COL19A1: variants seen among roughly 807,000 people sequenced by gnomAD.
The protein encoded by COL19A1 is collagen alpha-1(XIX) chain.
In COL19A1, 159 loss-of-function variants were observed where a neutral mutation model predicts 190.2. The ratio of observed to expected loss-of-function variants is 0.84; its 90% CI spans 0.73 to 0.95. COL19A1 has a LOEUF of 0.95. Among genes scored for constraint, COL19A1 ranks in the 40% least tolerant of loss-of-function variants. The pLI is 0.00. For missense variants in COL19A1, 1,418 were observed against 1,431.9 expected (o/e 0.99, Z 0.16); for synonymous variants, 509 against 458.9 (o/e 1.11, Z -1.39).
intron 9 of COL19A1, among the ~76,000 whole-genome samples, chr6:69,950,699 C>T (rs1216458677): frequency 6.6e-6 from 1 of 151,360 alleles, no homozygotes; most frequent in Non-Finnish European, 1.5e-5. Flanking sequence ...CACACACACA[C>T]ACACACACAC....
chr6:70,166,602 C>A (rs952592308), intron 37 of COL19A1, among the ~76,000 whole-genome samples: 42 of 152,202 alleles, frequency 2.8e-4, no homozygotes, highest in African/African-American at 9.9e-4. Flanking sequence ...TGAGATATCA[C>A]GCAAAACACC....
At chr6:70,191,421 G>C (rs961965280) in intron 48 of COL19A1, among the ~76,000 whole-genome samples, 3 of 152,142 alleles carry the variant, frequency 2.0e-5, no homozygotes, top group African/African-American at 7.2e-5. Context: ...GTCTCTTGAA[G>C]AGCAGGTTGG....
At chr6:69,952,415 C>G (rs574139441) in intron 9 of COL19A1, among the ~76,000 whole-genome samples, 5 of 151,792 alleles carry the variant, frequency 3.3e-5, no homozygotes, top group South Asian at 2.1e-4. Context: ...CTTACATTCT[C>G]CACCAAATAA....
intron 11 of COL19A1, among the ~76,000 whole-genome samples, chr6:70,005,798 C>T (rs1215330497): frequency 1.3e-5 from 2 of 152,022 alleles, no homozygotes; most frequent in South Asian, 2.1e-4. Flanking sequence ...TGGTCACTCG[C>T]CCCCTGCCCA....
At chr6:70,142,923 C>T (rs1005261750) in intron 23 of COL19A1, 103 bp downstream of exon 23, 25 of 1,067,072 alleles carry the variant, frequency 2.3e-5, no homozygotes, top group Non-Finnish European at 3.2e-5. Context: ...CCCTCATTTC[C>T]CAAAGACATG....
At chr6:69,974,862 G>A (rs1447427038) in intron 11 of COL19A1, among the ~76,000 whole-genome samples, 1 of 145,160 alleles carries the variant, frequency 6.9e-6, no homozygotes, top group Non-Finnish European at 1.5e-5. Context: ...GCCCAGGCTG[G>A]AGTGCAGTGG....
intron 11 of COL19A1, among the ~76,000 whole-genome samples, chr6:69,976,204 G>A (rs1307723397): frequency 2.0e-5 from 3 of 152,142 alleles, no homozygotes; most frequent in South Asian, 2.1e-4. Context: ...TGAGCTCTTA[G>A]TTATCTGCCC....
intron 2 of COL19A1, among the ~76,000 whole-genome samples, chr6:69,891,476 A>T (rs1769345753): frequency 6.6e-6 from 1 of 152,146 alleles, no homozygotes; most frequent in Non-Finnish European, 1.5e-5. Context: ...CAGACTAAAG[A>T]TGAATGGCTA....
intron 16 of COL19A1, among the ~76,000 whole-genome samples, chr6:70,102,894 A>T (rs1010316366): frequency 6.6e-6 from 1 of 152,154 alleles, no homozygotes; most frequent in African/African-American, 2.4e-5. Context: ...TTACTGCTAC[A>T]CAGAAATGTA....
chr6:70,010,033 G>C (rs1461302383), intron 11 of COL19A1, among the ~76,000 whole-genome samples: 1 of 152,068 alleles, frequency 6.6e-6, no homozygotes, highest in Non-Finnish European at 1.5e-5. Flanking sequence ...CTTTAGGTTA[G>C]GCATAGGTTT....
intron 19 of COL19A1, among the ~76,000 whole-genome samples, chr6:70,138,562 T>C (rs1786025935): frequency 6.6e-6 from 1 of 152,132 alleles, no homozygotes; most frequent in South Asian, 2.1e-4. Context: ...CGAGACTGAA[T>C]AAAGGATATT....
chr6:69,919,396 C>G (rs973558583), intron 4 of COL19A1, among the ~76,000 whole-genome samples: 4 of 152,130 alleles, frequency 2.6e-5, no homozygotes, highest in Non-Finnish European at 5.9e-5. Context: ...AATGAAAGCA[C>G]TTCATAGTTA....
chr6:70,155,110 T>C (rs1787355153), intron 31 of COL19A1, among the ~76,000 whole-genome samples: 1 of 152,166 alleles, frequency 6.6e-6, no homozygotes, highest in Non-Finnish European at 1.5e-5. Context: ...GCAAAATTAG[T>C]GTTCCAAGGA....
intron 9 of COL19A1, among the ~76,000 whole-genome samples, chr6:69,942,014 T>A (rs1562019683): frequency 6.6e-6 from 1 of 152,150 alleles, no homozygotes; most frequent in Admixed American, 6.6e-5. Context: ...TTCAAATATG[T>A]TCCTTGCATT....
At chr6:69,924,964 C>A (rs1464048498) in intron 4 of COL19A1, among the ~76,000 whole-genome samples, 1 of 152,090 alleles carries the variant, frequency 6.6e-6, no homozygotes. Flanking sequence ...TGTTTGAGTT[C>A]TTTGTAGATT....
At chr6:69,998,105 A>G (rs1420144699) in intron 11 of COL19A1, among the ~76,000 whole-genome samples, 1 of 152,200 alleles carries the variant, frequency 6.6e-6, no homozygotes, top group Non-Finnish European at 1.5e-5. Flanking sequence ...ATTGTCAACT[A>G]TGAATTCTGT....
intron 16 of COL19A1, among the ~76,000 whole-genome samples, chr6:70,115,802 TTTG>T (rs1428633347): frequency 6.8e-6 from 1 of 146,828 alleles, no homozygotes; most frequent in African/African-American, 2.5e-5. Flanking sequence ...TGTTGTTTTT[TTTG>T]TTTTGTTTTT....
At chr6:70,079,114 C>T (rs1288557597) in intron 15 of COL19A1, among the ~76,000 whole-genome samples, 1 of 152,048 alleles carries the variant, frequency 6.6e-6, no homozygotes, top group South Asian at 2.1e-4. Context: ...TAATAAAGGG[C>T]ATGATTATAA....
At chr6:70,089,562 A>G (rs1287125654) in intron 15 of COL19A1, among the ~76,000 whole-genome samples, 1 of 152,202 alleles carries the variant, frequency 6.6e-6, no homozygotes, top group Non-Finnish European at 1.5e-5. Context: ...GCCAACTGAC[A>G]TATTGCTCAT....
Sources: allele counts gnomAD v4.1 joint callset (sites outside exome capture counted in the v4.1 genomes callset), GRCh38; gene constraint gnomAD v4.1.1; transcripts MANE v1.5; gene names NCBI Gene and HGNC (gene_info 2026-07-23, HGNC 2026-07-21).